ATP10B: variants seen among roughly 807,000 people sequenced by gnomAD.
ATP10B encodes the protein ATPase phospholipid transporting 10B (putative), also known as phospholipid-transporting ATPase VB.
A neutral mutation model predicts 141.2 loss-of-function variants in ATP10B; 122 were observed. That is an observed-to-expected ratio of 0.86 (90% CI 0.75 to 1.00). The LOEUF is 1.00. Among genes scored for constraint, ATP10B ranks in the 50% least tolerant of loss-of-function variants. The probability of loss-of-function intolerance (pLI) is 0.00; values close to 1 mark genes in which losing one functional copy is unlikely to be tolerated. For missense variants in ATP10B, 1,876 were observed against 1,825.3 expected, an observed-to-expected ratio of 1.03 and a Z score of -0.51; for synonymous variants, 685 against 692.0, an observed-to-expected ratio of 0.99 and a Z score of 0.16.
At chr5:160,577,623 G>A (rs976164620) in intron 24 of ATP10B, among the ~76,000 whole-genome samples, 3 of 152,112 alleles carry the variant, frequency 2.0e-5, no homozygotes, top group African/African-American at 4.8e-5. Context: ...AAAAGTGCTA[G>A]TATTTTTATA....
Position 160,706,676 on chromosome 5 carries a change from C to G in ATP10B, c.-205+10233G>C, listed in dbSNP as rs79538736. ...TTACAGAAAAATTGCAACGATAATA[C>G]AGAGAGTTCCTTTACCTGAGATTCT... On this transcript the variant is annotated intron_variant, in intron 3 of 25. Coordinates refer to ENST00000327245, the MANE Select transcript of ATP10B (RefSeq NM_025153.3). Among the ~76,000 whole-genome samples the G allele has an allele frequency of 9.9e-3, 1,514 of 152,282 alleles. 26 individuals are homozygous for G. Among genetic ancestry groups the G allele is most frequent in the African/African-American group, 0.035 (1,449 of 41,560 alleles).
At chr5:160,780,856 T>A (rs1454244140) in intron 2 of ATP10B, among the ~76,000 whole-genome samples, 2 of 152,196 alleles carry the variant, frequency 1.3e-5, no homozygotes, top group Admixed American at 6.5e-5. Context: ...GTTATATTTA[T>A]CTAAATTCAA....
At chr5:160,827,501 T>C (rs1400098757) in intron 1 of ATP10B, among the ~76,000 whole-genome samples, 1 of 152,214 alleles carries the variant, frequency 6.6e-6, no homozygotes, top group African/African-American at 2.4e-5. Context: ...TTTAATGAGA[T>C]TGTTTCTTGC....
intron 12 of ATP10B, chr5:160,632,592 C>T (rs948023021): frequency 4.2e-5 from 12 of 285,026 alleles, no homozygotes; most frequent in African/African-American, 2.0e-4. Context: ...TGAGCTTTGA[C>T]ATAACCTGTC....
chr5:160,662,694 T>C (rs1762023607), intron 7 of ATP10B, among the ~76,000 whole-genome samples: 2 of 152,308 alleles, frequency 1.3e-5, no homozygotes, highest in East Asian at 3.9e-4. Context: ...ATAAAAACCC[T>C]AGAAGAAAAC....
intron 2 of ATP10B, among the ~76,000 whole-genome samples, chr5:160,748,275 C>T (rs890402218): frequency 6.6e-6 from 1 of 152,202 alleles, no homozygotes; most frequent in Non-Finnish European, 1.5e-5. Context: ...TCTTAACATT[C>T]AGCACAGCCC....
the ATP10B span, among the ~76,000 whole-genome samples, chr5:160,867,804 GA>G: frequency 6.6e-6 from 1 of 152,070 alleles, no homozygotes; most frequent in Non-Finnish European, 1.5e-5. Flanking sequence ...TCATTGATTG[GA>G]AACTGTTATA....
intron 1 of ATP10B, among the ~76,000 whole-genome samples, chr5:160,826,717 GAATATT>G (rs370552796): frequency 2.1e-3 from 321 of 152,092 alleles, no homozygotes; most frequent in African/African-American, 7.3e-3. Context: ...TCCTAGCAAG[GAATATT>G]AATATTAAGA....
At chr5:160,569,959 G>A (rs1425175454) in intron 24 of ATP10B, among the ~76,000 whole-genome samples, 2 of 152,012 alleles carry the variant, frequency 1.3e-5, no homozygotes, top group Non-Finnish European at 2.9e-5. Context: ...CACCTATCTA[G>A]GTTTTCCAAC....
chr5:160,773,426 G>C (rs1400122459), intron 2 of ATP10B, among the ~76,000 whole-genome samples: 2 of 152,170 alleles, frequency 1.3e-5, no homozygotes, highest in Admixed American at 6.5e-5. Flanking sequence ...CTGATGTTCA[G>C]TCGGAATTGG....
chr5:160,761,228 A>T (rs2127839926), intron 2 of ATP10B, among the ~76,000 whole-genome samples: 1 of 152,298 alleles, frequency 6.6e-6, no homozygotes, highest in South Asian at 2.1e-4. Context: ...CACTGCTAGC[A>T]TAATCAGCAT....
the ATP10B span, among the ~76,000 whole-genome samples, chr5:160,858,217 A>G: frequency 2.0e-4 from 30 of 151,948 alleles, no homozygotes; most frequent in African/African-American, 6.0e-4. Context: ...ACCATTATAT[A>G]ATGTCTCTGT....
chr5:160,585,196 T>C (rs920656676), intron 24 of ATP10B, among the ~76,000 whole-genome samples: 4 of 152,210 alleles, frequency 2.6e-5, no homozygotes, highest in Admixed American at 6.5e-5. Flanking sequence ...CTGGATAAGC[T>C]CCCAAAACTA....
intron 2 of ATP10B, among the ~76,000 whole-genome samples, chr5:160,719,282 C>G (rs564387063): frequency 1.3e-5 from 2 of 152,222 alleles, no homozygotes; most frequent in South Asian, 4.2e-4. Context: ...CGCCTGTAGT[C>G]CCAGCTACTC....
At chr5:160,803,212 G>A (rs1012255216) in intron 1 of ATP10B, among the ~76,000 whole-genome samples, 3 of 152,102 alleles carry the variant, frequency 2.0e-5, no homozygotes, top group African/African-American at 4.8e-5. Context: ...CAACTGTTTA[G>A]GTTGTGCTAT....
At chr5:160,566,490 C>G (rs1470370394) in intron 25 of ATP10B, among the ~76,000 whole-genome samples, 1 of 152,100 alleles carries the variant, frequency 6.6e-6, no homozygotes, top group African/African-American at 2.4e-5. Flanking sequence ...CTATGATTTG[C>G]CAGATAAAGA....
Position 160,688,066 on chromosome 5 carries a change from G to T in ATP10B, c.9C>A (p.Leu3=), listed in dbSNP as rs1419455078. 4.3e-6 allele frequency: 7 copies of T among 1,612,302 alleles called. No individual in the cohort carries two copies. The South Asian group carries it at 7.7e-5, about 18-fold the overall frequency. The part of the protein sequence containing the change: MA[L]SVDSSWHRWQ... ...ACCGATGCCACGATGAGTCCACTGA[G>T]AGGGCCATTTCCAGCAGCAGGCGAA... Residue 3 remains leucine (L), a synonymous_variant, in exon 5 of 26, where the codon CTC becomes CTA. Transcript: ENST00000327245.
chr5:160,743,373 A>G (rs1222240124), intron 2 of ATP10B, among the ~76,000 whole-genome samples: 1 of 152,192 alleles, frequency 6.6e-6, no homozygotes, highest in Non-Finnish European at 1.5e-5. Context: ...TAAAAAATAA[A>G]TCATGCCTCT....
At chr5:160,849,797 C>T (rs912918137) in intron 1 of ATP10B, among the ~76,000 whole-genome samples, 7 of 152,064 alleles carry the variant, frequency 4.6e-5, no homozygotes, top group Non-Finnish European at 8.8e-5. Context: ...AACTTCATCT[C>T]TTAATAAAAG....
Sources: gnomAD v4.1 joint callset for allele counts (sites outside exome capture counted in the v4.1 genomes callset) on GRCh38, gnomAD v4.1.1 for gene constraint, MANE v1.5 for transcripts, NCBI Gene and HGNC (gene_info 2026-07-23, HGNC 2026-07-21) for gene names.